Variants in ZNF236 observed in about 807,000 individuals in gnomAD.
ZNF236 encodes regulated by glucose.
In ZNF236, 50 loss-of-function variants were observed where a neutral mutation model predicts 191.2. The observed-to-expected ratio is 0.26, with a 90% confidence interval of 0.21 to 0.33. The LOEUF (loss-of-function observed/expected upper bound fraction) is 0.33. ZNF236 is among the 10% of genes least tolerant of loss of function. The pLI is 1.00. For synonymous variants in ZNF236, 907 were observed against 928.8 expected, an observed-to-expected ratio of 0.98 and a Z score of 0.43; for missense variants, 1,754 against 2,374.5, an observed-to-expected ratio of 0.74 and a Z score of 5.43.
intron 11 of ZNF236, 98 bp downstream of exon 11, chr18:76,899,320 T>C (rs1977523853): frequency 9.5e-7 from 1 of 1,050,188 alleles, no homozygotes; most frequent in Non-Finnish European, 1.4e-6. Flanking sequence ...TGTAGTTAAA[T>C]AGTTTTTTAG....
At chr18:76,846,150 C>T (rs543697217) in intron 1 of ZNF236, among the ~76,000 whole-genome samples, 7 of 152,098 alleles carry the variant, frequency 4.6e-5, no homozygotes, top group East Asian at 1.9e-4. Flanking sequence ...GACAGTCTCG[C>T]TATATTGCCC....
At chr18:76,889,892 T>A (rs914976732) in intron 9 of ZNF236, among the ~76,000 whole-genome samples, 4 of 152,172 alleles carry the variant, frequency 2.6e-5, no homozygotes, top group Non-Finnish European at 5.9e-5. Flanking sequence ...AGTGGCTTCC[T>A]GCTAGAGGTA....
chr18:76,926,028 G>A lies in ZNF236; in HGVS notation c.4027+474G>A, dbSNP rs553987427. ...TACATGGCAGTCAGATGTCCTGTGT[G>A]CCCTTCTTTCTGTTTCTGTGACTCG... On this transcript the variant is annotated intron_variant, in intron 22 of 30. Coordinates refer to ENST00000320610, the MANE Select transcript of ZNF236 (RefSeq NM_001306089.2). 2.0e-5 allele frequency among the ~76,000 whole-genome samples: 3 copies of A among 152,304 alleles called. No individual in the cohort carries two copies. In the South Asian group the frequency reaches 6.2e-4, roughly 32 times the overall value.
intron 15 of ZNF236, 141 bp downstream of exon 15, chr18:76,910,310 A>C (rs1014771614): frequency 1.4e-6 from 1 of 732,358 alleles, no homozygotes; most frequent in Non-Finnish European, 2.1e-6. Context: ...CATGCATTGT[A>C]GATTTTTTTT....
chr18:76,968,200 TTGTC>T lies in ZNF236; in HGVS notation c.5420-12_5420-9del. On this transcript the variant is annotated splice_polypyrimidine_tract_variant and intron_variant, in intron 30 of 30. Transcript: ENST00000320610. The stretch of plus-strand genomic sequence containing the variant: ...AGGTCTGAGGCTGCTTGTGTTTTCT[TTGTC>T]TGCATAACAGGAGCTCTGCAGGAGT... The T allele has an allele frequency of 6.2e-7, 1 of 1,613,774 alleles. No homozygotes were observed. Among genetic ancestry groups the T allele is most frequent in the Admixed American group, 1.7e-5 (1 of 59,982 alleles).
Position 76,899,153 on chromosome 18 carries a change from C to A in ZNF236, c.1825C>A (p.Arg609Ser). Residue 609 changes from arginine to serine, a missense_variant, in exon 11 of 31, where the codon CGT becomes AGT. This residue lies in a region of ZNF236 where 641 missense variants were observed against 869.6 expected (regional missense o/e 0.74). Coordinates refer to ENST00000320610, the MANE Select transcript of ZNF236 (RefSeq NM_001306089.2). ...GCACCAGCGTAAACCTGCAAAGGTC[C>A]GTGTTGGCAAGACGAATATTCCAGT... Reference protein sequence around the residue: ...MRHQRKPAKVRVGKTNIPVPD... With the variant: ...MRHQRKPAKVSVGKTNIPVPD... The A allele has an allele frequency of 6.2e-7, 1 of 1,614,130 alleles. No individual in the cohort carries two copies. Among genetic ancestry groups the A allele is most frequent in the Non-Finnish European group, 8.5e-7 (1 of 1,180,012 alleles).
rs1975013157 is a variant in ZNF236 at position 76,826,186 on chromosome 18, A to C, written c.55+3524A>C. Among the ~76,000 whole-genome samples, 3 of 150,966 alleles carry C rather than the reference A, an allele frequency of 2.0e-5. 1 individual carries two copies. In the South Asian group the frequency reaches 6.3e-4, roughly 32 times the overall value. ...GAGTGCAGTGGCGCGATCTTGTCTC[A>C]CTGCAACCTCCGCCTCCCGGGTTCA... On this transcript the variant is annotated intron_variant, in intron 1 of 30. Coordinates refer to ENST00000320610, the MANE Select transcript of ZNF236 (RefSeq NM_001306089.2).
chr18:76,856,725 A>G (rs1442562232), intron 3 of ZNF236, among the ~76,000 whole-genome samples: 1 of 151,872 alleles, frequency 6.6e-6, no homozygotes, highest in Admixed American at 6.6e-5. Context: ...ACATTCCTGG[A>G]AAGTTAGGTT....
chr18:76,913,795 G>C lies in ZNF236; in HGVS notation c.2958G>C (p.Gln986His). 1.2e-6 allele frequency: 2 copies of C among 1,614,232 alleles called. No individual in the cohort carries two copies. Among genetic ancestry groups the C allele is most frequent in the Non-Finnish European group, 1.7e-6 (2 of 1,180,044 alleles). The change falls in exon 18 of 31, where the codon CAG becomes CAC. Residue 986 changes from glutamine (Q) to histidine (H), a missense_variant. By Grantham distance (24) the Gln-to-His change is conservative (BLOSUM62 0). Around this residue, in one of 5 missense-constraint regions of ZNF236, gnomAD observed 641 missense variants for 869.6 expected, o/e 0.74. Coordinates refer to ENST00000320610, the MANE Select transcript of ZNF236 (RefSeq NM_001306089.2). ...KGFKKSSHLK[Q>H]HVRSHTGEKP... ...TTAAGAAGTCCAGCCACCTGAAGCA[G>C]CATGTGCGGTCGCACACCGGGGAAA...
chr18:76,828,540 CT>C (rs1395527092), intron 1 of ZNF236, among the ~76,000 whole-genome samples: 1 of 152,210 alleles, frequency 6.6e-6, no homozygotes, highest in Non-Finnish European at 1.5e-5. Context: ...CAGTGCAGTC[CT>C]TACTTGCTTC....
chr18:76,907,906 A>G (rs1301220498), intron 13 of ZNF236, among the ~76,000 whole-genome samples: 1 of 152,144 alleles, frequency 6.6e-6, no homozygotes, highest in East Asian at 1.9e-4. Context: ...CTCTCTGCGC[A>G]CCACGTGTTG....
chr18:76,911,716 T>C (rs771544039), intron 16 of ZNF236, among the ~76,000 whole-genome samples: 13 of 152,244 alleles, frequency 8.5e-5, no homozygotes, highest in Non-Finnish European at 1.8e-4. Context: ...GGATCTATTA[T>C]AGAGTGGTTA....
intron 1 of ZNF236, among the ~76,000 whole-genome samples, chr18:76,848,285 C>T (rs768316782): frequency 9.2e-5 from 14 of 152,204 alleles, no homozygotes; most frequent in Non-Finnish European, 1.8e-4. Flanking sequence ...CTTCAGCTTA[C>T]CCTGTACTCT....
rs76654400 is a variant in ZNF236 at position 76,875,816 on chromosome 18, G to A, written c.840+152G>A. 5.8e-4 allele frequency: 492 copies of A among 845,668 alleles called. 2 individuals carry two copies. In the African/African-American group the frequency reaches 7.7e-3, roughly 13 times the overall value. The allele number at this position is 845,668 out of a possible 1,614,324, so 52.4% of individuals were successfully genotyped here. A position where few individuals can be genotyped will look rare whatever the true frequency, so the allele number is the denominator to read the frequency against. On this transcript the variant is annotated intron_variant, in intron 6 of 30. Transcript: ENST00000320610. The surrounding 1 kb of genome is among the most constrained non-coding windows in gnomAD (Gnocchi z 4.3). ...CCCTGTTTTAAAAAATACATACGTG[G>A]GAATTTTTTTGGTTTATTACATGTG...
rs1229044857 is a variant in ZNF236, at chr18:76,895,082, C to A, written c.1487C>A (p.Pro496His). The change falls in exon 10 of 31, where the codon CCC (proline) becomes CAC (histidine). Residue 496 changes from proline (P) to histidine (H), a missense_variant. Transcript: ENST00000320610. ...TACTGCGCCAAGGAGTTCCGCAAGC[C>A]CAGCGACCTGGTCCGCCACATCCGC... ...CPYCAKEFRKPSDLVRHIRIH... is the reference protein window; with the variant it reads ...CPYCAKEFRKHSDLVRHIRIH... 1 of 1,611,824 alleles carries A rather than the reference C, an allele frequency of 6.2e-7. No individual in the cohort carries two copies. Among genetic ancestry groups the A allele is most frequent in the Non-Finnish European group, 8.5e-7 (1 of 1,180,020 alleles).
intron 9 of ZNF236, among the ~76,000 whole-genome samples, chr18:76,889,782 G>A (rs1357400049): frequency 6.6e-6 from 1 of 152,200 alleles, no homozygotes; most frequent in African/African-American, 2.4e-5. Context: ...ACTTCTGTGA[G>A]GGGTCTTCTG....
chr18:76,866,977 G>C (rs993849489), intron 3 of ZNF236, among the ~76,000 whole-genome samples: 3 of 152,132 alleles, frequency 2.0e-5, no homozygotes, highest in African/African-American at 7.2e-5. Context: ...GCATAAACTG[G>C]GGTTGTCACT....
intron 20 of ZNF236, among the ~76,000 whole-genome samples, chr18:76,921,819 G>A (rs1418957923): frequency 7.0e-6 from 1 of 142,076 alleles, no homozygotes; most frequent in Non-Finnish European, 1.5e-5. Context: ...TCGGCTCAGT[G>A]CAAACTCCGA....
chr18:76,883,743 A>G (rs530512493), intron 9 of ZNF236, among the ~76,000 whole-genome samples: 2 of 152,254 alleles, frequency 1.3e-5, no homozygotes, highest in African/African-American at 2.4e-5. Flanking sequence ...ACACGTTTCT[A>G]TATAAAGATG....
Sources: allele counts gnomAD v4.1 joint callset (sites outside exome capture counted in the v4.1 genomes callset), GRCh38; gene constraint gnomAD v4.1.1; regional missense constraint gnomAD v4.1.1; non-coding constraint Gnocchi (gnomAD v3.1); transcripts MANE v1.5; gene names NCBI Gene and HGNC (gene_info 2026-07-23, HGNC 2026-07-21).